FAM171A1: variants seen among roughly 807,000 people sequenced by gnomAD.
The protein encoded by FAM171A1 is protein FAM171A1.
Under a neutral mutation model 74.9 loss-of-function variants are expected in FAM171A1, and 23 were observed. The ratio of observed to expected loss-of-function variants is 0.31; its 90% CI spans 0.22 to 0.44. The LOEUF is 0.44. FAM171A1 is among the 20% of genes least tolerant of loss of function. FAM171A1 has a pLI of 1.00. For missense variants in FAM171A1, 1,162 were observed against 1,159.2 expected, an observed-to-expected ratio of 1.00 and a Z score of -0.03; for synonymous variants, 527 against 505.7, an observed-to-expected ratio of 1.04 and a Z score of -0.57.
chr10:15,332,389 A>T (rs137961590), intron 1 of FAM171A1, among the ~76,000 whole-genome samples: 1 of 152,180 alleles, frequency 6.6e-6, no homozygotes, highest in African/African-American at 2.4e-5. Flanking sequence ...GAAATGCCCA[A>T]TGGTTCTGTT....
intron 1 of FAM171A1, among the ~76,000 whole-genome samples, chr10:15,295,104 T>G (rs954057682): frequency 5.3e-5 from 8 of 152,106 alleles, no homozygotes; most frequent in Non-Finnish European, 1.0e-4. Flanking sequence ...TTTATTTTTA[T>G]TTTTTTATTT....
chr10:15,344,192 T>C (rs1178319871), intron 1 of FAM171A1, among the ~76,000 whole-genome samples: 1 of 152,184 alleles, frequency 6.6e-6, no homozygotes, highest in Non-Finnish European at 1.5e-5. Context: ...TGCTGAGATT[T>C]AAATTGGCAA....
At chr10:15,341,152 C>T (rs973515978) in intron 1 of FAM171A1, among the ~76,000 whole-genome samples, 3 of 152,148 alleles carry the variant, frequency 2.0e-5, no homozygotes, top group Non-Finnish European at 2.9e-5. Flanking sequence ...TAGTAGGACA[C>T]GCACCATGGA....
intron 1 of FAM171A1, among the ~76,000 whole-genome samples, chr10:15,313,178 G>A (rs1362633874): frequency 1.3e-5 from 2 of 152,216 alleles, no homozygotes; most frequent in South Asian, 2.1e-4. Context: ...TTCCTCCTCC[G>A]TGGAAACACA....
intron 1 of FAM171A1, among the ~76,000 whole-genome samples, chr10:15,316,343 C>T (rs760674486): frequency 1.3e-5 from 2 of 152,178 alleles, no homozygotes; most frequent in Non-Finnish European, 1.5e-5. Flanking sequence ...GAGGGCAGCG[C>T]GTGGCCTCCT....
At chr10:15,233,951 G>C (rs1466941905) in intron 5 of FAM171A1, among the ~76,000 whole-genome samples, 1 of 151,190 alleles carries the variant, frequency 6.6e-6, no homozygotes, top group African/African-American at 2.4e-5. Context: ...CATGGCTGGA[G>C]TGTACTAGGT....
intron 1 of FAM171A1, among the ~76,000 whole-genome samples, chr10:15,317,002 C>T (rs1423653037): frequency 6.6e-6 from 1 of 151,892 alleles, no homozygotes; most frequent in Non-Finnish European, 1.5e-5. Context: ...GGAGCTGCCC[C>T]TGCTCTGTCT....
intron 5 of FAM171A1, among the ~76,000 whole-genome samples, chr10:15,222,104 GC>G (rs1834045984): frequency 6.6e-6 from 1 of 152,118 alleles, no homozygotes; most frequent in Non-Finnish European, 1.5e-5. Flanking sequence ...TAGACAGCCC[GC>G]GCACCCACTC....
intron 1 of FAM171A1, among the ~76,000 whole-genome samples, chr10:15,347,425 C>A (rs531977765): frequency 6.6e-5 from 10 of 152,226 alleles, no homozygotes; most frequent in African/African-American, 2.2e-4. Flanking sequence ...GACAGCCAGG[C>A]CCAAAGTCCA....
rs1208375050 is a variant in FAM171A1, at chr10:15,211,874, A to G, written c.*1041T>C. ...GATTCCAGAGTTAATACGTAACCGT[A>G]TATACAAACAGCCAAAAAACCATAA... On this transcript the variant is annotated 3_prime_UTR_variant, in exon 8 of 8. Transcript: ENST00000378116. The G allele has an allele frequency of 1.3e-5, 2 of 152,464 alleles. No homozygotes were observed. Among genetic ancestry groups the G allele is most frequent in the African/African-American group, 2.4e-5 (1 of 41,380 alleles). 9.4% of individuals were successfully genotyped at this position (152,464 alleles called of 1,614,324 possible). A position where few individuals can be genotyped will look rare whatever the true frequency, so the allele number is the denominator to read the frequency against.
chr10:15,294,567 T>C (rs1286766886), intron 1 of FAM171A1, among the ~76,000 whole-genome samples: 2 of 152,254 alleles, frequency 1.3e-5, no homozygotes, highest in Non-Finnish European at 2.9e-5. Context: ...TCCTCTGCTC[T>C]TGGCAAACAT....
intron 5 of FAM171A1, among the ~76,000 whole-genome samples, chr10:15,245,717 C>T (rs771202603): frequency 6.6e-6 from 1 of 151,994 alleles, no homozygotes; most frequent in Non-Finnish European, 1.5e-5. Flanking sequence ...CCACACTCTC[C>T]GCTGCTTCTC....
rs543434805 is a variant in FAM171A1, at chr10:15,310,733, G to A, written c.98-26628C>T. Among the ~76,000 whole-genome samples the A allele has an allele frequency of 6.4e-4, 97 of 152,078 alleles. 1 individual carries two copies. The highest frequency in any genetic ancestry group is 2.1e-3 in the African/African-American group (88 of 41,466). The stretch of plus-strand genomic sequence containing the variant: ...AAAAATTAGCCAGGCGTGGTGGCGC[G>A]TGCCTGTAGTCCCAGCTACTCAGGG... On this transcript the variant is annotated intron_variant, in intron 1 of 7. Transcript: ENST00000378116.
chr10:15,356,639 T>A (rs1835935663), intron 1 of FAM171A1, among the ~76,000 whole-genome samples: 1 of 152,184 alleles, frequency 6.6e-6, no homozygotes, highest in South Asian at 2.1e-4. Context: ...AAACTACTAC[T>A]GATACAGTAG....
intron 1 of FAM171A1, among the ~76,000 whole-genome samples, chr10:15,332,151 G>C (rs1001624255): frequency 1.3e-5 from 2 of 151,562 alleles, no homozygotes; most frequent in African/African-American, 4.8e-5. Context: ...ATGGGGTTTT[G>C]CAACATGTTG....
At position 15,214,104 on chromosome 10, in the gene FAM171A1, T is replaced by C. The variant is rs1320674281; in HGVS notation, c.1484A>G (p.Gln495Arg). ...YRGSYNTVLS[Q>R]PLFEKQDREG... Reference sequence around the variant, plus strand: ...TCTGTCCTGCTTTTCAAATAAAGGCTGTGAGAGCACGGTGTTGTAACTACC... The same window carrying C: ...TCTGTCCTGCTTTTCAAATAAAGGCCGTGAGAGCACGGTGTTGTAACTACC... The change falls in exon 8 of 8, where the codon CAG becomes CGG. Residue 495 changes from glutamine (Q) to arginine (R), a missense_variant. Coordinates refer to ENST00000378116, the MANE Select transcript of FAM171A1 (RefSeq NM_001010924.2). 6.2e-7 allele frequency: 1 copy of C among 1,614,098 alleles called. No individual in the cohort carries two copies. The highest frequency in any genetic ancestry group is 1.3e-5 in the African/African-American group (1 of 74,934).
At chr10:15,353,756 G>A (rs1835903530) in intron 1 of FAM171A1, among the ~76,000 whole-genome samples, 1 of 152,068 alleles carries the variant, frequency 6.6e-6, no homozygotes, top group Admixed American at 6.6e-5. Context: ...TTCTCTACAT[G>A]GTACAGCTCC....
At chr10:15,369,569 C>A (rs1270611682) in intron 1 of FAM171A1, among the ~76,000 whole-genome samples, 1 of 152,148 alleles carries the variant, frequency 6.6e-6, no homozygotes, top group Non-Finnish European at 1.5e-5. Flanking sequence ...TCTACCATGG[C>A]CATAGAAGCA....
chr10:15,351,047 C>A (rs1835870846), intron 1 of FAM171A1, among the ~76,000 whole-genome samples: 1 of 152,164 alleles, frequency 6.6e-6, no homozygotes, highest in African/African-American at 2.4e-5. Flanking sequence ...TCCTCTGTTC[C>A]CTAACATGCT....
Sources: gnomAD v4.1 joint callset for allele counts (sites outside exome capture counted in the v4.1 genomes callset) on GRCh38, gnomAD v4.1.1 for gene constraint, MANE v1.5 for transcripts, NCBI Gene and HGNC (gene_info 2026-07-23, HGNC 2026-07-21) for gene names.